The following CTDNEP1 variants were observed in gnomAD, a reference collection of about 807,000 sequenced individuals.
CTDNEP1 encodes CTD nuclear envelope phosphatase 1.
In CTDNEP1, 3 loss-of-function variants were observed where a neutral mutation model predicts 30.1. That is an observed-to-expected ratio of 0.10 (90% CI 0.05 to 0.26). The LOEUF (loss-of-function observed/expected upper bound fraction) is 0.26, where lower values mean the gene tolerates loss of function less well. Among genes scored for constraint, CTDNEP1 ranks in the 10% least tolerant of loss-of-function variants. The pLI, the probability that CTDNEP1 is intolerant of heterozygous loss-of-function variation, is 1.00. For missense variants in CTDNEP1, 158 were observed against 310.4 expected (o/e 0.51, Z 3.69); for synonymous variants, 123 against 118.8 (o/e 1.04, Z -0.23).
At chr17:7,244,500 C>A (rs762141530) in intron 7 of CTDNEP1, 51 bp downstream of exon 7, 1 of 1,493,666 alleles carries the variant, frequency 6.7e-7, no homozygotes, top group Non-Finnish European at 9.3e-7. Context: ...GAGGATCCCC[C>A]ACCTCCTCCT....
At position 7,246,998 on chromosome 17, in the gene CTDNEP1, A is replaced by T. The variant is rs557493144; in HGVS notation, c.288+66T>A. ...TGGAGACAGATGCTCTGGGACTGGGAAAGGGAGTCCAGGTTTGGGCAGAGG... is the reference window on the plus strand; with the variant it reads ...TGGAGACAGATGCTCTGGGACTGGGTAAGGGAGTCCAGGTTTGGGCAGAGG... On this transcript the variant is annotated intron_variant, in intron 3 of 7. Coordinates refer to ENST00000574322, the MANE Select transcript of CTDNEP1 (RefSeq NM_001143775.2). This position sits in a 1 kb window ranked among gnomAD's most constrained non-coding sequence, Gnocchi z 4.9. 168 of 1,433,360 alleles carry T rather than the reference A, an allele frequency of 1.2e-4. No individual in the cohort carries two copies. The East Asian group carries it at 3.8e-3, about 32-fold the overall frequency. The allele number at this position is 1,433,360 out of a possible 1,614,324, so 88.8% of individuals were successfully genotyped here. A position where few individuals can be genotyped will look rare whatever the true frequency, so the allele number is the denominator to read the frequency against.
intron 7 of CTDNEP1, 76 bp downstream of exon 7, chr17:7,244,475 T>G (rs764149701): frequency 3.7e-5 from 52 of 1,418,142 alleles, no homozygotes; most frequent in Non-Finnish European, 5.2e-5. Context: ...AGGACAAACC[T>G]TTTTTATTCC....
At chr17:7,245,442 A>G (rs904360262) in intron 6 of CTDNEP1, among the ~76,000 whole-genome samples, 5 of 151,920 alleles carry the variant, frequency 3.3e-5, no homozygotes, top group Non-Finnish European at 7.4e-5. Context: ...CCAGCCTGGG[A>G]ACAGAGTGAG....
rs1597577964 is a variant in CTDNEP1 at position 7,251,653 on chromosome 17, TAGGGAAAAGGGAGGA to T, written c.-372_-358del. 2.9e-5 allele frequency: 2 copies of T among 67,820 alleles called. No homozygotes were observed. Among genetic ancestry groups the T allele is most frequent in the Non-Finnish European group, 2.8e-5 (1 of 35,520 alleles). The allele number at this position is 67,820 out of a possible 1,614,324, so 4.2% of individuals were successfully genotyped here. ...GGGAGGGGGCAGTGGGGGAGGGGGC[TAGGGAAAAGGGAGGA>T]AGGGAAAAGGGAAGGGGAGGGGGGG... On this transcript the variant is annotated 5_prime_UTR_variant, in exon 1 of 8. Coordinates refer to ENST00000574322, the MANE Select transcript of CTDNEP1 (RefSeq NM_001143775.2).
Position 7,246,214 on chromosome 17 carries a change from C to G in CTDNEP1, c.477+40G>C, listed in dbSNP as rs772647268. The G allele has an allele frequency of 6.3e-7, 1 of 1,578,418 alleles. No homozygotes were observed. The highest frequency in any genetic ancestry group is 8.7e-7 in the Non-Finnish European group (1 of 1,147,504). On this transcript the variant is annotated intron_variant, in intron 5 of 7. Transcript: ENST00000574322. The surrounding 1 kb of genome is among the most constrained non-coding windows in gnomAD (Gnocchi z 4.9). The stretch of plus-strand genomic sequence containing the variant: ...AACCCAGATCCCTCCCTGGTGGCCT[C>G]CCTCCCAAGCCACACTCTTAGACTG...
chr17:7,246,971 G>A lies in CTDNEP1; in HGVS notation c.288+93C>T. The A allele has an allele frequency of 7.2e-7, 1 of 1,390,358 alleles. No individual in the cohort carries two copies. The highest frequency in any genetic ancestry group is 1.7e-5 in the Admixed American group (1 of 58,796). The allele number at this position is 1,390,358 out of a possible 1,614,324, so 86.1% of individuals were successfully genotyped here. ...CTCCAGGCTGACACTGGTGCCAGCG[G>A]ATGGAGACAGATGCTCTGGGACTGG... On this transcript the variant is annotated intron_variant, in intron 3 of 7. Transcript: ENST00000574322. The surrounding 1 kb of genome is among the most constrained non-coding windows in gnomAD (Gnocchi z 4.9).
chr17:7,247,217 CCT>C (rs538624054), intron 2 of CTDNEP1, 35 bp from the exon 3 acceptor site: 1 of 1,610,400 alleles, frequency 6.2e-7, no homozygotes, highest in Non-Finnish European at 8.5e-7. Context: ...TATTGACCGA[CCT>C]CTGACCCAGA....
intron 1 of CTDNEP1, among the ~76,000 whole-genome samples, chr17:7,249,562 T>C (rs1056252136): frequency 6.6e-6 from 1 of 152,196 alleles, no homozygotes; most frequent in African/African-American, 2.4e-5. Flanking sequence ...CCACTCCGTA[T>C]GCCCAGAAAA....
Position 7,246,349 on chromosome 17 carries a change from C to T in CTDNEP1, c.382G>A (p.Val128Met). 1.9e-6 allele frequency: 3 copies of T among 1,613,400 alleles called. No individual in the cohort carries two copies. The highest frequency in any genetic ancestry group is 2.5e-6 in the Non-Finnish European group (3 of 1,179,812). The change falls in exon 5 of 8, where the codon GTG becomes ATG. Residue 128 changes from valine to methionine, a missense_variant. Val to Met is a conservative substitution (Grantham distance 21, BLOSUM62 1). Coordinates refer to ENST00000574322, the MANE Select transcript of CTDNEP1 (RefSeq NM_001143775.2). The surrounding 1 kb of genome is among the most constrained non-coding windows in gnomAD (Gnocchi z 4.9). ...ATCTCCATGCTTGCTGTAAACACCA[C>T]CAGCTCGTACCACTGGCTCACCTGA... ...LEVVSQWYEL[V>M]VFTASMEIYG...
At chr17:7,247,669 A>G (rs1386849888) in intron 1 of CTDNEP1, among the ~76,000 whole-genome samples, 1 of 151,358 alleles carries the variant, frequency 6.6e-6, no homozygotes, top group Non-Finnish European at 1.5e-5. Context: ...GGGTTTAACT[A>G]TATTGGCCTG....
At chr17:7,247,230 G>A (rs766499046) in intron 2 of CTDNEP1, 47 bp downstream of exon 2, 7 of 1,609,566 alleles carry the variant, frequency 4.3e-6, no homozygotes, top group South Asian at 1.1e-5. Context: ...CTGACCCAGA[G>A]CTAGCCCCTA....
In CTDNEP1 at chr17:7,246,723, C is replaced by T. The variant is rs2071843641; in HGVS notation, c.360+68G>A. 2.2e-6 allele frequency: 3 copies of T among 1,389,932 alleles called. No individual in the cohort carries two copies. The highest frequency in any genetic ancestry group is 1.8e-5 in the Admixed American group (1 of 56,350). The allele number at this position is 1,389,932 out of a possible 1,614,324, so 86.1% of individuals were successfully genotyped here. A position where few individuals can be genotyped will look rare whatever the true frequency, so the allele number is the denominator to read the frequency against. On this transcript the variant is annotated intron_variant, in intron 4 of 7. Coordinates refer to ENST00000574322, the MANE Select transcript of CTDNEP1 (RefSeq NM_001143775.2). This position sits in a 1 kb window ranked among gnomAD's most constrained non-coding sequence, Gnocchi z 4.9. Reference sequence around the variant, plus strand: ...TTCTCCTCACCCCTTCCTCCAAATCCTCCCAATTCCCAGAGCCCTAAAACC... The same window carrying T: ...TTCTCCTCACCCCTTCCTCCAAATCTTCCCAATTCCCAGAGCCCTAAAACC...
rs1403546206 is a variant in CTDNEP1, at chr17:7,251,392, G to A, written c.-96C>T. On this transcript the variant is annotated 5_prime_UTR_variant, in exon 1 of 8. Transcript: ENST00000574322. ...CCCCGCCGCCGGGAGGGGGAACGGGGGCCCCGAGTGGCAGGAGAGGCTGCA... is the reference window on the plus strand; with the variant it reads ...CCCCGCCGCCGGGAGGGGGAACGGGAGCCCCGAGTGGCAGGAGAGGCTGCA... The A allele has an allele frequency of 6.5e-6, 5 of 765,186 alleles. No homozygotes were observed. Among genetic ancestry groups the A allele is most frequent in the Non-Finnish European group, 9.4e-6 (5 of 531,082 alleles). The allele number at this position is 765,186 out of a possible 1,614,324, so 47.4% of individuals were successfully genotyped here.
rs550920145 is a variant in CTDNEP1 at position 7,247,756 on chromosome 17, T to C, written c.103-413A>G. The stretch of plus-strand genomic sequence containing the variant: ...TGCTGGGATTACAGGAATGAGCCAC[T>C]ACGCTGGCCTTTTTCATTTAATCCT... On this transcript the variant is annotated intron_variant, in intron 1 of 7. Transcript: ENST00000574322. Among the ~76,000 whole-genome samples, 800 of 152,022 alleles carry C rather than the reference T, an allele frequency of 5.3e-3. 5 individuals are homozygous for C. The highest frequency in any genetic ancestry group is 0.019 in the African/African-American group (768 of 41,482).
rs1387218704 is a variant in CTDNEP1, at chr17:7,246,695, C to T, written c.360+96G>A. The T allele has an allele frequency of 1.2e-5, 13 of 1,083,402 alleles. No homozygotes were observed. The highest frequency in any genetic ancestry group is 2.7e-5 in the South Asian group (2 of 72,928). 67.1% of individuals were successfully genotyped at this position (1,083,402 alleles called of 1,614,324 possible). On this transcript the variant is annotated intron_variant, in intron 4 of 7. Transcript: ENST00000574322. This position sits in a 1 kb window ranked among gnomAD's most constrained non-coding sequence, Gnocchi z 4.9. ...TCCCCTCTAGAAAACTGCTCTAACCCGTTTCTCCTCACCCCTTCCTCCAAA... is the reference window on the plus strand; with the variant it reads ...TCCCCTCTAGAAAACTGCTCTAACCTGTTTCTCCTCACCCCTTCCTCCAAA...
chr17:7,249,139 T>C (rs2071880732), intron 1 of CTDNEP1, among the ~76,000 whole-genome samples: 1 of 152,194 alleles, frequency 6.6e-6, no homozygotes, highest in South Asian at 2.1e-4. Flanking sequence ...GCTCTGCTTC[T>C]CCAAGCATTC....
At chr17:7,250,539 G>A (rs1391572109) in intron 1 of CTDNEP1, among the ~76,000 whole-genome samples, 4 of 152,130 alleles carry the variant, frequency 2.6e-5, no homozygotes, top group Non-Finnish European at 4.4e-5. Context: ...GGTGGGCACA[G>A]CACCCACCTT....
At position 7,246,233 on chromosome 17, in the gene CTDNEP1, T is replaced by C. The variant is rs2071835571; in HGVS notation, c.477+21A>G. ...TGGCCTCCCTCCCAAGCCACACTCT[T>C]AGACTGGGATTCTAGCTTACCTGTC... On this transcript the variant is annotated intron_variant, in intron 5 of 7. Coordinates refer to ENST00000574322, the MANE Select transcript of CTDNEP1 (RefSeq NM_001143775.2). The surrounding 1 kb of genome is among the most constrained non-coding windows in gnomAD (Gnocchi z 4.9). The C allele has an allele frequency of 6.3e-7, 1 of 1,598,300 alleles. No individual in the cohort carries two copies. Among genetic ancestry groups the C allele is most frequent in the Admixed American group, 1.7e-5 (1 of 59,996 alleles).
chr17:7,247,831 T>G (rs1377163526), intron 1 of CTDNEP1, among the ~76,000 whole-genome samples: 1 of 152,110 alleles, frequency 6.6e-6, no homozygotes, highest in African/African-American at 2.4e-5. Context: ...TTAAAGAAAC[T>G]GAGGCCACAC....
Sources: allele counts gnomAD v4.1 joint callset (sites outside exome capture counted in the v4.1 genomes callset), GRCh38; gene constraint gnomAD v4.1.1; non-coding constraint Gnocchi (gnomAD v3.1); transcripts MANE v1.5; gene names NCBI Gene and HGNC (gene_info 2026-07-23, HGNC 2026-07-21).